Variants in CNTN1 observed in about 807,000 individuals in gnomAD.
CNTN1 encodes the protein contactin 1.
A neutral mutation model predicts 126.4 loss-of-function variants in CNTN1; 38 were observed. The observed-to-expected ratio is 0.30, with a 90% CI of 0.23 to 0.39. CNTN1 has a LOEUF of 0.39. CNTN1 is among the 10% of genes least tolerant of loss of function. The pLI, the probability that CNTN1 is intolerant of heterozygous loss-of-function variation, is 1.00. For synonymous variants in CNTN1, 413 were observed against 422.6 expected (o/e 0.98, Z 0.28); for missense variants, 1,009 against 1,248.4 (o/e 0.81, Z 2.89).
At chr12:40,803,330 C>T (rs946251218) in intron 1 of CNTN1, among the ~76,000 whole-genome samples, 1 of 152,082 alleles carries the variant, frequency 6.6e-6, no homozygotes, top group South Asian at 2.1e-4. Context: ...TTGTAAACTG[C>T]CCGTTTGTGG....
chr12:41,040,965 G>A, intron 23 of CNTN1, among the ~76,000 whole-genome samples: 1 of 143,126 alleles, frequency 7.0e-6, no homozygotes. Flanking sequence ...AATAGGAGTG[G>A]TGAGAGAGGG....
chr12:40,910,288 A>G (rs1217486540), intron 3 of CNTN1, among the ~76,000 whole-genome samples, 183 bp downstream of exon 3: 1 of 152,214 alleles, frequency 6.6e-6, no homozygotes, highest in Admixed American at 6.5e-5. Context: ...GAGTGGATAC[A>G]TCATAAACAA....
At chr12:40,790,396 A>T (rs577715947) in intron 1 of CNTN1, among the ~76,000 whole-genome samples, 1 of 152,230 alleles carries the variant, frequency 6.6e-6, no homozygotes, top group Admixed American at 6.5e-5. Flanking sequence ...ACTTCATTCT[A>T]CCAGAAGAGC....
chr12:40,891,497 T>C (rs1944236912), intron 1 of CNTN1, among the ~76,000 whole-genome samples: 1 of 152,156 alleles, frequency 6.6e-6, no homozygotes, highest in African/African-American at 2.4e-5. Flanking sequence ...GGTTACCTTG[T>C]AGGAGTTTTA....
At position 40,890,036 on chromosome 12, in the gene CNTN1, C is replaced by G. The variant is rs571823104; in HGVS notation, c.-76-18321C>G. 2.8e-4 allele frequency among the ~76,000 whole-genome samples: 43 copies of G among 152,090 alleles called. 1 individual carries two copies. The South Asian group carries it at 6.4e-3, about 23-fold the overall frequency. The stretch of plus-strand genomic sequence containing the variant: ...ATCTCTAATACTATATGGATATTAT[C>G]AATAAAAAAGAAATACAGATACATG... On this transcript the variant is annotated intron_variant, in intron 1 of 23. Transcript: ENST00000551295.
intron 1 of CNTN1, among the ~76,000 whole-genome samples, chr12:40,800,012 C>G (rs1197521300): frequency 2.0e-5 from 3 of 151,978 alleles, no homozygotes; most frequent in Non-Finnish European, 2.9e-5. Context: ...TACTCTCTCT[C>G]CCACTTTACA....
At chr12:40,786,421 G>A (rs1312729128) in intron 1 of CNTN1, among the ~76,000 whole-genome samples, 1 of 152,128 alleles carries the variant, frequency 6.6e-6, no homozygotes, top group Admixed American at 6.6e-5. Flanking sequence ...TGAGTGTCTT[G>A]TGTATGTCAC....
At chr12:41,054,504 C>T (rs1379552459) in intron 23 of CNTN1, among the ~76,000 whole-genome samples, 2 of 151,904 alleles carry the variant, frequency 1.3e-5, no homozygotes, top group African/African-American at 4.8e-5. Flanking sequence ...GTAATTCTCT[C>T]CTCATTTTAA....
intron 1 of CNTN1, among the ~76,000 whole-genome samples, chr12:40,809,812 TCTCACACACACACACACA>T (rs1940985616): frequency 2.4e-5 from 1 of 42,058 alleles, no homozygotes; most frequent in African/African-American, 8.8e-5. Flanking sequence ...TGAGACTCTG[TCTCACACACACACACACA>T]CACACACACA....
chr12:40,933,675 C>A, intron 8 of CNTN1, 22 bp from the exon 9 acceptor site: 2 of 1,609,852 alleles, frequency 1.2e-6, no homozygotes, highest in Non-Finnish European at 8.5e-7. Context: ...GAAACTTTAA[C>A]CCTTGTATCT....
Position 40,922,462 on chromosome 12 carries a change from C to T in CNTN1, c.400+34C>T, listed in dbSNP as rs1324571550. 5.6e-6 allele frequency: 9 copies of T among 1,598,940 alleles called. No homozygotes were observed. The South Asian group carries it at 8.8e-5, about 16-fold the overall frequency. On this transcript the variant is annotated intron_variant, in intron 5 of 23. Coordinates refer to ENST00000551295, the MANE Select transcript of CNTN1 (RefSeq NM_001843.4). ...ACTGTAACTTTTAAAAAAGGGCAAG[C>T]GTGTTTAGGTGAGTTCAGCAAGAAG...
At chr12:40,962,507 A>T (rs7955172) in intron 15 of CNTN1, among the ~76,000 whole-genome samples, 70,647 of 151,922 alleles carry the variant, frequency 0.47, 16,434 homozygotes, top group Admixed American at 0.5. Context: ...ATCTGATTTC[A>T]TGGGGCCTTT....
rs145644064 is a variant in CNTN1 at position 40,969,225 on chromosome 12, A to G, written c.1804+9991A>G. ...GGAGCCTTTTGTGGGCTTGCTTTCC[A>G]CCCAGTTTCTGGAAATTTAATTTGG... On this transcript the variant is annotated intron_variant, in intron 15 of 23. Coordinates refer to ENST00000551295, the MANE Select transcript of CNTN1 (RefSeq NM_001843.4). Among the ~76,000 whole-genome samples, 332 of 152,136 alleles carry G rather than the reference A, an allele frequency of 2.2e-3. 1 individual carries two copies. The highest frequency in any genetic ancestry group is 3.3e-3 in the Non-Finnish European group (223 of 67,984).
At chr12:41,050,335 A>C (rs1393456805) in intron 23 of CNTN1, among the ~76,000 whole-genome samples, 1 of 152,232 alleles carries the variant, frequency 6.6e-6, no homozygotes, top group African/African-American at 2.4e-5. Flanking sequence ...ATTGACTCAC[A>C]GTTTCACAGG....
chr12:40,863,402 G>A (rs751671989), intron 1 of CNTN1, among the ~76,000 whole-genome samples: 12 of 152,194 alleles, frequency 7.9e-5, no homozygotes, highest in Non-Finnish European at 1.6e-4. Flanking sequence ...GGCAACAATT[G>A]TATTAACAAA....
At chr12:40,781,708 A>AT (rs1233388566) in intron 1 of CNTN1, among the ~76,000 whole-genome samples, 10 of 152,030 alleles carry the variant, frequency 6.6e-5, no homozygotes, top group Non-Finnish European at 1.3e-4. Context: ...CAAAAGCAAC[A>AT]TGATCAAGTG....
At chr12:40,853,055 A>G (rs1212161054) in intron 1 of CNTN1, among the ~76,000 whole-genome samples, 1 of 152,104 alleles carries the variant, frequency 6.6e-6, no homozygotes, top group Non-Finnish European at 1.5e-5. Flanking sequence ...CTTATATTCC[A>G]TGACATCTTG....
chr12:40,954,946 G>A (rs1470155892), intron 14 of CNTN1, among the ~76,000 whole-genome samples: 1 of 152,042 alleles, frequency 6.6e-6, no homozygotes, highest in African/African-American at 2.4e-5. Flanking sequence ...AACTAGACAT[G>A]ATTGATGGAC....
intron 15 of CNTN1, chr12:40,978,782 G>T (rs895626316): frequency 1.3e-5 from 2 of 152,090 alleles, no homozygotes; most frequent in Admixed American, 6.5e-5. Context: ...GCAGGGAAAT[G>T]ATTTACATTT....
Sources: gnomAD v4.1 joint callset for allele counts (sites outside exome capture counted in the v4.1 genomes callset) on GRCh38, gnomAD v4.1.1 for gene constraint, MANE v1.5 for transcripts, NCBI Gene and HGNC (gene_info 2026-07-23, HGNC 2026-07-21) for gene names.